The following FIRRM variants were observed in gnomAD, a reference collection of about 807,000 sequenced individuals.
The protein encoded by FIRRM is FIGNL1 interacting regulator of recombination and mitosis.
the FIRRM span, chr1:169,829,450 G>GTAAGCATATTACTTACTGTGC: frequency 1.2e-6 from 2 of 1,608,174 alleles, no homozygotes; most frequent in African/African-American, 2.7e-5. Flanking sequence ...TGCTGAACTG[G>GTAAGCATATTACTTACTGTGC]TAAGCATATT....
the FIRRM span, chr1:169,849,352 A>G: frequency 5.0e-6 from 3 of 602,140 alleles, no homozygotes; most frequent in African/African-American, 5.6e-5. Flanking sequence ...TGAGTAAAAG[A>G]GTGACATTAC....
chr1:169,833,943 G>A, the FIRRM span, among the ~76,000 whole-genome samples: 2 of 148,654 alleles, frequency 1.3e-5, no homozygotes, highest in African/African-American at 2.5e-5. Flanking sequence ...CTCCTGCCTC[G>A]GCGTCCCAAA....
chr1:169,828,798 G>A, the FIRRM span, among the ~76,000 whole-genome samples: 58 of 152,114 alleles, frequency 3.8e-4, no homozygotes, highest in Middle Eastern at 0.02. Flanking sequence ...TTCCCGCCTC[G>A]GCCTCCCAAA....
the FIRRM span, chr1:169,793,773 G>A: frequency 1.5e-6 from 2 of 1,351,780 alleles, no homozygotes; most frequent in South Asian, 1.6e-5. Context: ...ACACAAATCT[G>A]CCTCAATTAT....
the FIRRM span, chr1:169,851,994 C>T: frequency 0.015 from 23,457 of 1,611,530 alleles, 1,692 homozygotes; most frequent in East Asian, 0.24. Flanking sequence ...GCCCTTTTTA[C>T]TTACTGACGA....
the FIRRM span, among the ~76,000 whole-genome samples, chr1:169,835,059 TAAG>T: frequency 1.1e-4 from 17 of 152,158 alleles, no homozygotes; most frequent in African/African-American, 3.6e-4. Flanking sequence ...GAAGCAAAGG[TAAG>T]AAAGCATATT....
the FIRRM span, among the ~76,000 whole-genome samples, chr1:169,815,834 C>G: frequency 6.6e-6 from 1 of 152,130 alleles, no homozygotes; most frequent in Non-Finnish European, 1.5e-5. Context: ...TCCCTCCTCC[C>G]TTTTATAAGG....
chr1:169,840,613 C>T, the FIRRM span, among the ~76,000 whole-genome samples: 2 of 151,512 alleles, frequency 1.3e-5, no homozygotes, highest in Non-Finnish European at 1.5e-5. Context: ...TGGGTTCCTG[C>T]CATTCTCCTG....
the FIRRM span, among the ~76,000 whole-genome samples, chr1:169,801,810 T>C: frequency 3.3e-3 from 499 of 152,334 alleles, 6 homozygotes; most frequent in African/African-American, 0.011. Context: ...TAATCTCTTA[T>C]TGAAATGGGT....
chr1:169,795,799 T>A, the FIRRM span: 1 of 985,272 alleles, frequency 1.0e-6, no homozygotes, highest in Non-Finnish European at 1.2e-6. Context: ...CTTTCTTTTT[T>A]TTTGACAAGT....
chr1:169,800,777 G>T, the FIRRM span: 11 of 383,930 alleles, frequency 2.9e-5, no homozygotes, highest in Admixed American at 4.9e-5. Context: ...TATTTTGAAA[G>T]TGTATCAAGC....
At chr1:169,843,497 G>A in the FIRRM span, among the ~76,000 whole-genome samples, 1 of 152,152 alleles carries the variant, frequency 6.6e-6, no homozygotes, top group Non-Finnish European at 1.5e-5. Flanking sequence ...TTTCTTATCA[G>A]TAAAGTGAAG....
At chr1:169,852,607 GATAAACC>G in the FIRRM span, 1 of 621,374 alleles carries the variant, frequency 1.6e-6, no homozygotes, top group Non-Finnish European at 2.8e-6. Context: ...GAATTGCTAT[GATAAACC>G]AAAATGCCTT....
the FIRRM span, chr1:169,795,982 T>C: frequency 1.0e-6 from 1 of 984,844 alleles, no homozygotes; most frequent in Non-Finnish European, 1.2e-6. Context: ...TAGCCTTTCA[T>C]GGTAAACCAT....
the FIRRM span, chr1:169,830,595 T>G: frequency 2.6e-6 from 3 of 1,174,228 alleles, no homozygotes; most frequent in Non-Finnish European, 3.7e-6. Flanking sequence ...AATGGCAGTT[T>G]TTAATGTCCT....
the FIRRM span, among the ~76,000 whole-genome samples, chr1:169,834,581 C>A: frequency 6.6e-6 from 1 of 152,102 alleles, no homozygotes; most frequent in Admixed American, 6.6e-5. Context: ...TTAGTCCTTA[C>A]AGCAGCCTTG....
At chr1:169,792,950 A>G in the FIRRM span, 6 of 1,613,990 alleles carry the variant, frequency 3.7e-6, no homozygotes, top group Non-Finnish European at 5.1e-6. Context: ...GCATCTTTTC[A>G]CATCTGGCTC....
the FIRRM span, among the ~76,000 whole-genome samples, chr1:169,843,424 C>T: frequency 6.6e-6 from 1 of 152,202 alleles, no homozygotes; most frequent in Non-Finnish European, 1.5e-5. Flanking sequence ...ATTTCAGTCA[C>T]AGCTCTGCTT....
the FIRRM span, among the ~76,000 whole-genome samples, chr1:169,811,041 T>C: frequency 6.6e-6 from 1 of 150,888 alleles, no homozygotes; most frequent in Non-Finnish European, 1.5e-5. Flanking sequence ...TTTGTATTTT[T>C]AGTAGAGACG....
Sources: gnomAD v4.1 joint callset for allele counts (sites outside exome capture counted in the v4.1 genomes callset) on GRCh38, gnomAD v4.1.1 for gene constraint, MANE v1.5 for transcripts, NCBI Gene and HGNC (gene_info 2026-07-23, HGNC 2026-07-21) for gene names.